CACNA2D3: variants seen among roughly 807,000 people sequenced by gnomAD.
CACNA2D3 encodes voltage-dependent calcium channel subunit alpha-2/delta-3.
CACNA2D3 carries 60 observed loss-of-function variants against 160.6 expected under a neutral mutation model. The ratio of observed to expected loss-of-function variants is 0.37; its 90% CI spans 0.30 to 0.46. The LOEUF (loss-of-function observed/expected upper bound fraction) is 0.46. CACNA2D3 is among the 20% of genes least tolerant of loss of function. The probability of loss-of-function intolerance (pLI) is 1.00; values close to 1 mark genes in which losing one functional copy is unlikely to be tolerated. For synonymous variants in CACNA2D3, 558 were observed against 492.9 expected (o/e 1.13, Z -1.75); for missense variants, 1,205 against 1,365.0 (o/e 0.88, Z 1.85).
At chr3:54,167,300 T>C (rs1188510301) in intron 2 of CACNA2D3, among the ~76,000 whole-genome samples, 1 of 152,198 alleles carries the variant, frequency 6.6e-6, no homozygotes, top group African/African-American at 2.4e-5. Flanking sequence ...AATGGAAATA[T>C]GTATGATTTT....
At chr3:54,298,128 T>C (rs927082246) in intron 2 of CACNA2D3, among the ~76,000 whole-genome samples, 1 of 152,206 alleles carries the variant, frequency 6.6e-6, no homozygotes, top group Non-Finnish European at 1.5e-5. Context: ...CCAGGGAATG[T>C]AGGGACTTCT....
chr3:54,963,936 G>A (rs537046242), intron 27 of CACNA2D3, among the ~76,000 whole-genome samples: 67 of 152,302 alleles, frequency 4.4e-4, no homozygotes, highest in Middle Eastern at 6.8e-3. Context: ...TTGAAGTTTC[G>A]ATATCTGTAG....
intron 11 of CACNA2D3, among the ~76,000 whole-genome samples, chr3:54,653,913 G>T (rs1284817084): frequency 1.3e-5 from 2 of 152,110 alleles, no homozygotes; most frequent in Non-Finnish European, 1.5e-5. Flanking sequence ...GGCTATCTAG[G>T]TAGCCACTCT....
At chr3:54,457,873 C>A (rs1700428149) in intron 4 of CACNA2D3, among the ~76,000 whole-genome samples, 1 of 151,930 alleles carries the variant, frequency 6.6e-6, no homozygotes, top group Non-Finnish European at 1.5e-5. Flanking sequence ...ACTTAAAGGT[C>A]TTTTTAAAAT....
intron 9 of CACNA2D3, among the ~76,000 whole-genome samples, chr3:54,599,711 C>T (rs955164552): frequency 7.9e-5 from 12 of 152,176 alleles, no homozygotes; most frequent in African/African-American, 2.4e-4. Flanking sequence ...TTCCTGCCCT[C>T]AAACTTTAAT....
At chr3:54,647,464 G>A (rs946697495) in intron 11 of CACNA2D3, among the ~76,000 whole-genome samples, 5 of 152,178 alleles carry the variant, frequency 3.3e-5, no homozygotes, top group African/African-American at 9.7e-5. Flanking sequence ...GGTCCCTGGT[G>A]AAGCTAGGAG....
At chr3:54,771,756 A>G (rs1702326079) in intron 13 of CACNA2D3, among the ~76,000 whole-genome samples, 1 of 152,168 alleles carries the variant, frequency 6.6e-6, no homozygotes, top group Non-Finnish European at 1.5e-5. Flanking sequence ...TTAGTAATCT[A>G]ATTATACCAG....
chr3:54,853,326 A>AT (rs1699100589), intron 17 of CACNA2D3, among the ~76,000 whole-genome samples: 1 of 152,220 alleles, frequency 6.6e-6, no homozygotes. Context: ...GTCAGTAAAT[A>AT]TTTGGTGAAT....
intron 4 of CACNA2D3, among the ~76,000 whole-genome samples, chr3:54,493,708 C>T (rs1234678485): frequency 1.3e-5 from 2 of 152,174 alleles, no homozygotes; most frequent in East Asian, 3.8e-4. Flanking sequence ...AATTTCTGTC[C>T]CTTGAATATC....
At position 54,918,625 on chromosome 3, in the gene CACNA2D3, A is replaced by G. The variant is rs1371097857; in HGVS notation, c.2449+18757A>G. On this transcript the variant is annotated intron_variant, in intron 27 of 37. Transcript: ENST00000474759. The stretch of plus-strand genomic sequence containing the variant: ...CACAATCCCACACACAACGCCAGTG[A>G]TGATGACAGTGGCAATGGCATGACG... The G allele has an allele frequency of 6.2e-7, 1 of 1,614,198 alleles. No homozygotes were observed. Among genetic ancestry groups the G allele is most frequent in the African/African-American group, 1.3e-5 (1 of 75,036 alleles).
intron 14 of CACNA2D3, among the ~76,000 whole-genome samples, chr3:54,833,381 T>G (rs988016473): frequency 6.6e-6 from 1 of 152,166 alleles, no homozygotes; most frequent in Non-Finnish European, 1.5e-5. Flanking sequence ...GACCCCCACC[T>G]CCTGCTCCTA....
chr3:54,178,051 G>C (rs1261014160), intron 2 of CACNA2D3, among the ~76,000 whole-genome samples: 1 of 152,134 alleles, frequency 6.6e-6, no homozygotes, highest in African/African-American at 2.4e-5. Context: ...AGTTTCCATA[G>C]AGATGGAAGC....
chr3:54,188,792 T>C (rs1436214205), intron 2 of CACNA2D3, among the ~76,000 whole-genome samples: 2 of 152,230 alleles, frequency 1.3e-5, no homozygotes, highest in African/African-American at 4.8e-5. Flanking sequence ...GGATATATAT[T>C]TATTTTGCTT....
chr3:54,548,337 A>G (rs999981988), intron 5 of CACNA2D3, among the ~76,000 whole-genome samples: 2 of 152,230 alleles, frequency 1.3e-5, no homozygotes, highest in Non-Finnish European at 2.9e-5. Context: ...AATTTCTCCA[A>G]CATCATGAAA....
intron 6 of CACNA2D3, among the ~76,000 whole-genome samples, chr3:54,565,743 A>C (rs577065854): frequency 7.7e-4 from 117 of 152,280 alleles, no homozygotes; most frequent in Middle Eastern, 6.8e-3. Context: ...CTGTAGTCTG[A>C]TACCCCGTTT....
intron 3 of CACNA2D3, among the ~76,000 whole-genome samples, chr3:54,346,845 G>A (rs565518811): frequency 6.6e-6 from 1 of 152,220 alleles, no homozygotes; most frequent in South Asian, 2.1e-4. Flanking sequence ...GGCAACCTTT[G>A]ATCCTTTTAC....
chr3:54,844,090 A>G (rs1698880507), intron 16 of CACNA2D3, among the ~76,000 whole-genome samples: 1 of 152,182 alleles, frequency 6.6e-6, no homozygotes, highest in Non-Finnish European at 1.5e-5. Flanking sequence ...TAAGGCAGAC[A>G]GTAGGTACTG....
intron 11 of CACNA2D3, among the ~76,000 whole-genome samples, chr3:54,688,056 C>T (rs1231665155): frequency 2.6e-5 from 4 of 152,068 alleles, no homozygotes; most frequent in East Asian, 1.9e-4. Context: ...TTCCTTCTCC[C>T]GGTTTTATTA....
intron 11 of CACNA2D3, among the ~76,000 whole-genome samples, chr3:54,664,857 G>A (rs548775766): frequency 2.3e-4 from 35 of 152,312 alleles, no homozygotes; most frequent in Non-Finnish European, 2.9e-4. Context: ...GGCTCTGGCT[G>A]TGTGTTGGTA....
Sources: gnomAD v4.1 joint callset for allele counts (sites outside exome capture counted in the v4.1 genomes callset) on GRCh38, gnomAD v4.1.1 for gene constraint, MANE v1.5 for transcripts, NCBI Gene and HGNC (gene_info 2026-07-23, HGNC 2026-07-21) for gene names.